Variants in PBX1 observed in about 807,000 individuals in gnomAD.
PBX1 encodes pre-B-cell leukemia transcription factor 1.
In PBX1, 6 loss-of-function variants were observed where a neutral mutation model predicts 53.4. The ratio of observed to expected loss-of-function variants is 0.11; its 90% confidence interval spans 0.06 to 0.22. PBX1 has a LOEUF of 0.22. Ranked by LOEUF, PBX1 falls within the 10% of genes least tolerant of loss-of-function variation. The probability of loss-of-function intolerance (pLI) is 1.00; values close to 1 mark genes in which losing one functional copy is unlikely to be tolerated. For missense variants in PBX1, 251 were observed against 551.4 expected (o/e 0.46, Z 5.46); for synonymous variants, 204 against 212.3 (o/e 0.96, Z 0.34).
At chr1:164,726,130 G>A (rs1226837980) in intron 2 of PBX1, among the ~76,000 whole-genome samples, 2 of 152,178 alleles carry the variant, frequency 1.3e-5, no homozygotes, top group African/African-American at 2.4e-5. Flanking sequence ...AAAATAATTT[G>A]TAGCTATAGT....
At chr1:164,707,393 A>AGG (rs1297472973) in intron 2 of PBX1, among the ~76,000 whole-genome samples, 4 of 62,906 alleles carry the variant, frequency 6.4e-5, no homozygotes, top group African/African-American at 2.2e-4. Flanking sequence ...AACACCACTG[A>AGG]GGTGTGTGTG....
chr1:164,803,164 T>C (rs903614528), intron 4 of PBX1, among the ~76,000 whole-genome samples: 36 of 152,320 alleles, frequency 2.4e-4, no homozygotes, highest in African/African-American at 7.9e-4. Context: ...ATCTGCCCGA[T>C]GTTATAGTAG....
chr1:164,841,697 G>A (rs769574663), intron 8 of PBX1, among the ~76,000 whole-genome samples: 10 of 152,170 alleles, frequency 6.6e-5, no homozygotes, highest in Non-Finnish European at 1.5e-4. Flanking sequence ...TGATAGAAGA[G>A]TGATGAATCT....
chr1:164,660,518 A>G (rs1246893586), intron 2 of PBX1, among the ~76,000 whole-genome samples: 1 of 152,146 alleles, frequency 6.6e-6, no homozygotes, highest in Non-Finnish European at 1.5e-5. Flanking sequence ...AATTCCTTTT[A>G]TGTTAACTTG....
chr1:164,715,703 C>T (rs1664047028), intron 2 of PBX1, among the ~76,000 whole-genome samples: 1 of 152,190 alleles, frequency 6.6e-6, no homozygotes, highest in South Asian at 2.1e-4. Flanking sequence ...AAGTCTATAA[C>T]TGGACTGGAT....
intron 2 of PBX1, among the ~76,000 whole-genome samples, chr1:164,667,808 A>C (rs773060249): frequency 1.3e-5 from 2 of 152,196 alleles, no homozygotes; most frequent in Non-Finnish European, 2.9e-5. Context: ...TGAGACTCTC[A>C]GATGTGGGGA....
chr1:164,584,063 G>A (rs963867085), intron 2 of PBX1, among the ~76,000 whole-genome samples: 1 of 152,232 alleles, frequency 6.6e-6, no homozygotes, highest in East Asian at 1.9e-4. Flanking sequence ...CTAGACCAGT[G>A]CCTGGTATAT....
intron 2 of PBX1, among the ~76,000 whole-genome samples, chr1:164,874,585 C>G (rs190775450): frequency 6.6e-6 from 1 of 152,268 alleles, no homozygotes; most frequent in East Asian, 1.9e-4. Flanking sequence ...ATCTCCGCCT[C>G]CTGGGTTCAA....
At chr1:164,649,304 G>A (rs933308055) in intron 2 of PBX1, among the ~76,000 whole-genome samples, 15 of 152,118 alleles carry the variant, frequency 9.9e-5, no homozygotes, top group African/African-American at 2.4e-4. Flanking sequence ...TTAATGGATC[G>A]CTTTCCTTCA....
chr1:164,709,513 G>A (rs1447394808), intron 2 of PBX1, among the ~76,000 whole-genome samples: 1 of 152,046 alleles, frequency 6.6e-6, no homozygotes, highest in Admixed American at 6.6e-5. Context: ...AGATTCTGAT[G>A]GCAACTCGGG....
At chr1:164,803,668 G>A (rs887173063) in intron 4 of PBX1, among the ~76,000 whole-genome samples, 1 of 152,284 alleles carries the variant, frequency 6.6e-6, no homozygotes, top group Admixed American at 6.5e-5. Context: ...GCATGTGTAG[G>A]ATTGAGGGGA....
At chr1:164,685,863 G>A (rs762807383) in intron 2 of PBX1, among the ~76,000 whole-genome samples, 1 of 152,218 alleles carries the variant, frequency 6.6e-6, no homozygotes, top group Non-Finnish European at 1.5e-5. Context: ...GGCAGTGAGA[G>A]TTCAGGATCT....
chr1:164,863,776 G>A (rs778069797), intron 2 of PBX1, among the ~76,000 whole-genome samples: 15 of 152,158 alleles, frequency 9.9e-5, no homozygotes, highest in Non-Finnish European at 1.8e-4. Flanking sequence ...ACAGATCAGA[G>A]AGAGCAAGGA....
At chr1:164,836,780 AT>A (rs1671060436) in intron 8 of PBX1, among the ~76,000 whole-genome samples, 1 of 152,220 alleles carries the variant, frequency 6.6e-6, no homozygotes, top group South Asian at 2.1e-4. Flanking sequence ...TGACATAGCA[AT>A]TATGGCTCTG....
At chr1:164,718,875 T>C (rs1008557493) in intron 2 of PBX1, among the ~76,000 whole-genome samples, 1 of 152,230 alleles carries the variant, frequency 6.6e-6, no homozygotes, top group African/African-American at 2.4e-5. Context: ...AAGTAAGGCA[T>C]AATTTTGGTC....
Position 164,601,766 on chromosome 1 carries a change from T to G in PBX1, c.265+38455T>G, listed in dbSNP as rs116770226. Reference sequence around the variant, plus strand: ...GATGAAGTGCATTTAAATGCTGCAGTTGGATACTGTGAAGATGAGACCCCT... The same window carrying G: ...GATGAAGTGCATTTAAATGCTGCAGGTGGATACTGTGAAGATGAGACCCCT... On this transcript the variant is annotated intron_variant, in intron 2 of 8. Transcript: ENST00000420696. Among the ~76,000 whole-genome samples, 458 of 152,286 alleles carry G rather than the reference T, an allele frequency of 3.0e-3. 5 individuals carry two copies. The highest frequency in any genetic ancestry group is 0.011 in the African/African-American group (444 of 41,572).
At chr1:164,592,153 A>G (rs1273231266) in intron 2 of PBX1, among the ~76,000 whole-genome samples, 1 of 152,090 alleles carries the variant, frequency 6.6e-6, no homozygotes, top group Non-Finnish European at 1.5e-5. Context: ...CCTTTGTTCA[A>G]ATCAAGTTGT....
intron 2 of PBX1, among the ~76,000 whole-genome samples, chr1:164,604,298 A>G (rs896039249): frequency 1.8e-4 from 27 of 152,288 alleles, no homozygotes; most frequent in Middle Eastern, 3.4e-3. Flanking sequence ...AGCCTCACAG[A>G]GGATATGTAA....
chr1:164,859,288 A>C (rs10158810), intron 2 of PBX1, among the ~76,000 whole-genome samples: 75,343 of 151,962 alleles, frequency 0.5, 18,912 homozygotes, highest in Middle Eastern at 0.53. Context: ...TGGGGATAGA[A>C]CAGTGGCCCC....
Sources: gnomAD v4.1 joint callset for allele counts (sites outside exome capture counted in the v4.1 genomes callset) on GRCh38, gnomAD v4.1.1 for gene constraint, MANE v1.5 for transcripts, NCBI Gene and HGNC (gene_info 2026-07-23, HGNC 2026-07-21) for gene names.